ATF7IP: variants seen among roughly 807,000 people sequenced by gnomAD.
ATF7IP encodes the protein activating transcription factor 7 interacting protein.
Under a neutral mutation model 106.4 loss-of-function variants are expected in ATF7IP, and 23 were observed. That is an observed-to-expected ratio of 0.22 (90% CI 0.16 to 0.31). ATF7IP has a LOEUF of 0.31. ATF7IP is among the 10% of genes least tolerant of loss of function. The pLI is 1.00. For synonymous variants in ATF7IP, 542 were observed against 539.0 expected (o/e 1.01, Z -0.08); for missense variants, 1,334 against 1,524.3 (o/e 0.88, Z 2.08).
chr12:14,497,117 C>G (rs1025063087), intron 14 of ATF7IP, among the ~76,000 whole-genome samples: 2 of 152,162 alleles, frequency 1.3e-5, no homozygotes, highest in African/African-American at 4.8e-5. Flanking sequence ...CTGGATCCTC[C>G]TTCACAGTTG....
intron 1 of ATF7IP, among the ~76,000 whole-genome samples, chr12:14,388,231 G>T (rs1479118073): frequency 6.6e-6 from 1 of 151,608 alleles, no homozygotes; most frequent in Non-Finnish European, 1.5e-5. Flanking sequence ...TATATTTTTA[G>T]TAGAGGTGAA....
intron 1 of ATF7IP, among the ~76,000 whole-genome samples, chr12:14,370,597 AT>A (rs749797722): frequency 4.0e-5 from 6 of 151,878 alleles, no homozygotes; most frequent in African/African-American, 7.3e-5. Flanking sequence ...ACCTTATACT[AT>A]TTTTTTTAAT....
chr12:14,460,084 A>G (rs1175099552), intron 8 of ATF7IP, among the ~76,000 whole-genome samples: 3 of 152,134 alleles, frequency 2.0e-5, no homozygotes, highest in Admixed American at 6.5e-5. Flanking sequence ...TAGATTTACT[A>G]TTTGAGTTTA....
chr12:14,375,586 A>C (rs1938706896), intron 1 of ATF7IP, among the ~76,000 whole-genome samples: 1 of 152,200 alleles, frequency 6.6e-6, no homozygotes, highest in African/African-American at 2.4e-5. Flanking sequence ...AAAAACAAAA[A>C]ATTTTCCTAA....
intron 13 of ATF7IP, among the ~76,000 whole-genome samples, chr12:14,489,284 C>T (rs532287338): frequency 3.9e-5 from 6 of 152,102 alleles, no homozygotes; most frequent in African/African-American, 1.2e-4. Context: ...CTTGGCAGTC[C>T]GGGACAGTCA....
chr12:14,395,499 A>G (rs1447932952), intron 1 of ATF7IP, among the ~76,000 whole-genome samples: 1 of 152,202 alleles, frequency 6.6e-6, no homozygotes, highest in East Asian at 1.9e-4. Flanking sequence ...AGTGGACTTC[A>G]TATATGAATA....
At chr12:14,497,528 G>T in intron 14 of ATF7IP, 126 bp from the exon 15 acceptor site, 2 of 998,864 alleles carry the variant, frequency 2.0e-6, no homozygotes, top group Non-Finnish European at 2.9e-6. Flanking sequence ...TATGGTATTT[G>T]GTATTTCCTA....
chr12:14,416,981 A>G, intron 1 of ATF7IP: 1 of 982,034 alleles, frequency 1.0e-6, no homozygotes, highest in Non-Finnish European at 1.2e-6. Context: ...TTCATCTGTA[A>G]GGAAGGGGGG....
intron 1 of ATF7IP, among the ~76,000 whole-genome samples, chr12:14,418,674 T>C (rs1205839142): frequency 6.6e-6 from 1 of 152,216 alleles, no homozygotes; most frequent in South Asian, 2.1e-4. Flanking sequence ...TGTACAGATA[T>C]GGCTGAACTA....
intron 13 of ATF7IP, among the ~76,000 whole-genome samples, chr12:14,494,322 T>C (rs2136869917): frequency 8.5e-6 from 1 of 117,744 alleles, no homozygotes; most frequent in South Asian, 2.5e-4. Context: ...TATATATATA[T>C]ATATATATAT....
chr12:14,395,479 A>G (rs2136446470), intron 1 of ATF7IP, among the ~76,000 whole-genome samples: 1 of 152,298 alleles, frequency 6.6e-6, no homozygotes, highest in South Asian at 2.1e-4. Context: ...TTGAATTGAA[A>G]TGAACTAACA....
intron 1 of ATF7IP, among the ~76,000 whole-genome samples, chr12:14,403,788 T>C (rs1439013067): frequency 1.3e-5 from 2 of 152,214 alleles, no homozygotes; most frequent in East Asian, 1.9e-4. Context: ...CTCCTCCTTT[T>C]TATTTTTTTT....
At chr12:14,408,125 C>CAA (rs1378447954) in intron 1 of ATF7IP, among the ~76,000 whole-genome samples, 1 of 151,354 alleles carries the variant, frequency 6.6e-6, no homozygotes, top group East Asian at 1.9e-4. Flanking sequence ...TGCACACACA[C>CAA]ACACACACAC....
intron 5 of ATF7IP, among the ~76,000 whole-genome samples, chr12:14,443,354 C>T (rs2136650172): frequency 6.6e-6 from 1 of 152,214 alleles, no homozygotes; most frequent in East Asian, 1.9e-4. Flanking sequence ...GAAGTAAGCC[C>T]ATCTGTGAAA....
intron 1 of ATF7IP, among the ~76,000 whole-genome samples, chr12:14,410,086 C>T (rs1386825955): frequency 6.6e-6 from 1 of 152,030 alleles, no homozygotes; most frequent in Non-Finnish European, 1.5e-5. Context: ...TTATTTCCTC[C>T]CAGGCCTCCA....
chr12:14,434,427 T>C lies in ATF7IP; in HGVS notation c.1645+4T>C, dbSNP rs1200476965. ...GATGAAAGACCTTCTGAGAAAAGTA[T>C]GCATGTATAAACAAACTTGAACTGG... On this transcript the variant is annotated splice_donor_region_variant and intron_variant, in intron 3 of 14. Transcript: ENST00000261168. The C allele has an allele frequency of 6.7e-7, 1 of 1,493,822 alleles. No homozygotes were observed. 92.5% of individuals were successfully genotyped at this position (1,493,822 alleles called of 1,614,324 possible).
chr12:14,432,096 T>C (rs1184297645), intron 2 of ATF7IP, among the ~76,000 whole-genome samples: 1 of 152,152 alleles, frequency 6.6e-6, no homozygotes, highest in Non-Finnish European at 1.5e-5. Flanking sequence ...GCTTGACATA[T>C]GGAGAGGAAA....
rs2302887 is a variant in ATF7IP at position 14,478,249 on chromosome 12, A to G, written c.2942-68A>G. The G allele has an allele frequency of 1.3e-4, 190 of 1,505,318 alleles. 1 individual carries two copies. The East Asian group carries it at 4.1e-3, about 32-fold the overall frequency. 93.2% of individuals were successfully genotyped at this position (1,505,318 alleles called of 1,614,324 possible). A position where few individuals can be genotyped will look rare whatever the true frequency, so the allele number is the denominator to read the frequency against. On this transcript the variant is annotated intron_variant, in intron 11 of 14. Transcript: ENST00000261168. ...TGGCAAGCAAAAGTAAAATTTGTCC[A>G]TAGAGGAAAGACTTGTATTTCCTGA... is the stretch of plus-strand genomic sequence containing the variant.
At chr12:14,485,664 C>G (rs1565552926) in intron 13 of ATF7IP, among the ~76,000 whole-genome samples, 5 of 152,112 alleles carry the variant, frequency 3.3e-5, no homozygotes. Flanking sequence ...CTGTCTTTGC[C>G]CACTGAAGGC....
Sources: allele counts gnomAD v4.1 joint callset (sites outside exome capture counted in the v4.1 genomes callset), GRCh38; gene constraint gnomAD v4.1.1; transcripts MANE v1.5; gene names NCBI Gene and HGNC (gene_info 2026-07-23, HGNC 2026-07-21).